The following TENM1 variants were observed in gnomAD, a reference collection of about 807,000 sequenced individuals.
The protein encoded by TENM1 is teneurin-1.
A neutral mutation model predicts 174.8 loss-of-function variants in TENM1; 35 were observed. The observed-to-expected ratio is 0.20, with a 90% CI of 0.15 to 0.27. The LOEUF (loss-of-function observed/expected upper bound fraction) is 0.27. Among genes scored for constraint, TENM1 ranks in the 10% least tolerant of loss-of-function variants. The pLI, the probability that TENM1 is intolerant of heterozygous loss-of-function variation, is 1.00. For synonymous variants in TENM1, 781 were observed against 798.7 expected (o/e 0.98, Z 0.37); for missense variants, 1,633 against 2,130.1 (o/e 0.77, Z 4.59).
intron 3 of TENM1, among the ~76,000 whole-genome samples, chrX:124,783,759 A>AG (rs1170472718): frequency 8.9e-6 from 1 of 112,082 alleles, no homozygotes; most frequent in East Asian, 2.8e-4. Context: ...GGAAACAATG[A>AG]GGCAGCACAG....
At chrX:124,638,860 T>C (rs2050943392) in intron 11 of TENM1, among the ~76,000 whole-genome samples, 1 of 111,265 alleles carries the variant, frequency 9.0e-6, no homozygotes, top group Non-Finnish European at 1.9e-5. Context: ...GGCACTTACT[T>C]TTGCCTAGTC....
the TENM1 span, among the ~76,000 whole-genome samples, chrX:124,978,955 C>T: frequency 8.9e-6 from 1 of 112,267 alleles, no homozygotes; most frequent in African/African-American, 3.2e-5. Flanking sequence ...CAACCACAAC[C>T]TCAGGTTAGC....
chrX:124,576,543 C>G (rs1423289850), intron 11 of TENM1, among the ~76,000 whole-genome samples: 1 of 111,962 alleles, frequency 8.9e-6, no homozygotes, highest in South Asian at 3.7e-4. Flanking sequence ...CTCACAGAGG[C>G]ATGAAATGCA....
At chrX:124,443,664 T>G (rs1480348116) in intron 23 of TENM1, among the ~76,000 whole-genome samples, 3 of 112,087 alleles carry the variant, frequency 2.7e-5, no homozygotes, top group Non-Finnish European at 5.6e-5. Flanking sequence ...GGAAAAGATC[T>G]TCAATTGTAT....
chrX:124,411,105 C>T (rs2060526580), intron 25 of TENM1, among the ~76,000 whole-genome samples: 1 of 111,986 alleles, frequency 8.9e-6, no homozygotes, highest in South Asian at 3.8e-4. Context: ...AGTCCACCCA[C>T]CCAAACACCT....
chrX:124,892,239 A>G (rs2057489309), intron 3 of TENM1, among the ~76,000 whole-genome samples: 1 of 111,555 alleles, frequency 9.0e-6, no homozygotes, highest in Admixed American at 9.6e-5. Flanking sequence ...AATTTGAGAG[A>G]ATGGAAACAT....
chrX:124,492,263 G>T (rs1464452922), intron 20 of TENM1, among the ~76,000 whole-genome samples: 1 of 111,488 alleles, frequency 9.0e-6, no homozygotes, highest in Non-Finnish European at 1.9e-5. Flanking sequence ...TTTGCATGGG[G>T]CACAGAGCAA....
exon 19 of TENM1, chrX:124,503,609 G>A (rs760451725): frequency 3.3e-6 from 4 of 1,208,433 alleles, no homozygotes; most frequent in South Asian, 3.5e-5. Flanking sequence ...AGCCTCCTAG[G>A]TTAGAAGCAT....
chrX:125,081,779 T>C, the TENM1 span, among the ~76,000 whole-genome samples: 1 of 111,442 alleles, frequency 9.0e-6, no homozygotes, highest in Non-Finnish European at 1.9e-5. Flanking sequence ...GAAGCAAACA[T>C]GGTACATACA....
At chrX:124,420,198 G>C in intron 25 of TENM1, 113 bp downstream of exon 28, 1 of 869,844 alleles carries the variant, frequency 1.1e-6, no homozygotes, top group Non-Finnish European at 1.6e-6. Flanking sequence ...TAAAATGGTG[G>C]TTGTTAGGAG....
At chrX:124,967,122 T>C (rs758320301), upstream of TENM1, among the ~76,000 whole-genome samples, 40 of 112,055 alleles carry the variant, frequency 3.6e-4, no homozygotes, top group African/African-American at 1.3e-3. Flanking sequence ...GGATTGCACT[T>C]GATTCAACTA....
chrX:124,683,161 C>T (rs865998120), intron 5 of TENM1, among the ~76,000 whole-genome samples: 1 of 111,818 alleles, frequency 8.9e-6, no homozygotes, highest in South Asian at 3.7e-4. Context: ...GGAAAGAACA[C>T]ACCACACACA....
the TENM1 span, among the ~76,000 whole-genome samples, chrX:125,133,417 G>A: frequency 1.8e-5 from 2 of 111,426 alleles, no homozygotes; most frequent in Non-Finnish European, 3.8e-5. Flanking sequence ...GACTGTCTCA[G>A]AGTTTATTTA....
At chrX:125,146,380 A>G in the TENM1 span, among the ~76,000 whole-genome samples, 6 of 111,439 alleles carry the variant, frequency 5.4e-5, no homozygotes, top group Non-Finnish European at 1.1e-4. Flanking sequence ...TAACACACCT[A>G]TATACAATTT....
chrX:125,076,562 G>A, the TENM1 span, among the ~76,000 whole-genome samples: 1 of 111,141 alleles, frequency 9.0e-6, no homozygotes, highest in African/African-American at 3.3e-5. Flanking sequence ...CTACTATTGT[G>A]CTGTGTGCAT....
intron 3 of TENM1, among the ~76,000 whole-genome samples, chrX:124,886,728 GT>G (rs74314491): frequency 0.049 from 3,819 of 77,845 alleles, 111 homozygotes; most frequent in African/African-American, 0.091. Flanking sequence ...TGTAGTGAAG[GT>G]TTTTTTTTTT....
chrX:125,139,498 C>G, the TENM1 span, among the ~76,000 whole-genome samples: 5 of 111,384 alleles, frequency 4.5e-5, no homozygotes, highest in Non-Finnish European at 9.4e-5. Flanking sequence ...ACTCTTCAAC[C>G]TGAAAATGAT....
At chrX:124,644,953 T>C (rs1289431860) in intron 10 of TENM1, among the ~76,000 whole-genome samples, 190 bp downstream of exon 13, 1 of 111,358 alleles carries the variant, frequency 9.0e-6, no homozygotes, top group East Asian at 2.8e-4. Flanking sequence ...TACAGCCTCA[T>C]GTATAACATT....
chrX:124,604,141 A>G (rs1207165170), intron 11 of TENM1, among the ~76,000 whole-genome samples: 2 of 111,232 alleles, frequency 1.8e-5, no homozygotes, highest in Admixed American at 9.6e-5. Flanking sequence ...ATGACATAGT[A>G]ATATGGTGCT....
Sources: gnomAD v4.1 joint callset for allele counts (sites outside exome capture counted in the v4.1 genomes callset) on GRCh38, gnomAD v4.1.1 for gene constraint, MANE v1.5 for transcripts, NCBI Gene and HGNC (gene_info 2026-07-23, HGNC 2026-07-21) for gene names.